The following FGGY variants were observed in gnomAD, a reference collection of about 807,000 sequenced individuals.
FGGY encodes the protein FGGY carbohydrate kinase domain containing, also known as FGGY carbohydrate kinase domain-containing protein.
FGGY carries 72 observed loss-of-function variants against 71.3 expected under a neutral mutation model. The observed-to-expected ratio is 1.01, with a 90% CI of 0.84 to 1.23. The LOEUF (loss-of-function observed/expected upper bound fraction) is 1.23. Among genes scored for constraint, FGGY ranks in the 50% most tolerant of loss-of-function variants. The probability of loss-of-function intolerance (pLI) is 0.00; values close to 1 mark genes in which losing one functional copy is unlikely to be tolerated. For synonymous variants in FGGY, 251 were observed against 250.3 expected (o/e 1.00, Z -0.02); for missense variants, 668 against 682.3 (o/e 0.98, Z 0.23).
chr1:59,732,286 A>G (rs778261141), intron 14 of FGGY, among the ~76,000 whole-genome samples: 1 of 152,196 alleles, frequency 6.6e-6, no homozygotes, highest in African/African-American at 2.4e-5. Flanking sequence ...TTGAGATCAC[A>G]GTGTATTTAG....
At chr1:59,335,249 G>A (rs577470410) in intron 2 of FGGY, among the ~76,000 whole-genome samples, 5 of 152,230 alleles carry the variant, frequency 3.3e-5, no homozygotes, top group Admixed American at 6.5e-5. Flanking sequence ...AGTCAGAGGC[G>A]CTTTCTGTCT....
At chr1:59,326,825 A>C (rs835373) in intron 2 of FGGY, among the ~76,000 whole-genome samples, 64,518 of 151,950 alleles carry the variant, frequency 0.42, 14,488 homozygotes, top group African/African-American at 0.57. Flanking sequence ...CAGTTCCAGA[A>C]CACCATAATG....
intron 7 of FGGY, among the ~76,000 whole-genome samples, chr1:59,524,955 A>G (rs1264270625): frequency 6.6e-6 from 1 of 152,238 alleles, no homozygotes; most frequent in African/African-American, 2.4e-5. Context: ...TGAGGAGAGA[A>G]GAGCTGTGGC....
chr1:59,397,505 G>A (rs2061463667), intron 5 of FGGY, among the ~76,000 whole-genome samples: 2 of 152,218 alleles, frequency 1.3e-5, no homozygotes, highest in African/African-American at 4.8e-5. Flanking sequence ...AGGAAAGAAA[G>A]CAGGTAAGCA....
Position 59,338,063 on chromosome 1 carries a change from AG to A in FGGY, c.202-1891del, listed in dbSNP as rs1354927327. 3.9e-5 allele frequency among the ~76,000 whole-genome samples: 6 copies of A among 152,192 alleles called. No homozygotes were observed. In the East Asian group the frequency reaches 1.2e-3, roughly 29 times the overall value. On this transcript the variant is annotated intron_variant, in intron 2 of 15. Coordinates refer to ENST00000303721, the MANE Select transcript of FGGY (RefSeq NM_018291.5). ...TTATTGAATGTTATATTTGGAGGGT[AG>A]GGGTTCTTTTTTCTGCATCTGTTGA...
At chr1:59,540,584 T>A (rs2095425084) in intron 7 of FGGY, among the ~76,000 whole-genome samples, 1 of 152,234 alleles carries the variant, frequency 6.6e-6, no homozygotes, top group Non-Finnish European at 1.5e-5. Flanking sequence ...ATGAGGTTTA[T>A]TTCTTGATCT....
intron 8 of FGGY, among the ~76,000 whole-genome samples, chr1:59,568,164 G>T (rs2095908967): frequency 6.6e-6 from 1 of 152,110 alleles, no homozygotes; most frequent in Non-Finnish European, 1.5e-5. Flanking sequence ...CACCAAACAG[G>T]TTAAGTCAGC....
chr1:59,448,287 G>T (rs1430311531), intron 5 of FGGY, among the ~76,000 whole-genome samples: 1 of 152,156 alleles, frequency 6.6e-6, no homozygotes, highest in Non-Finnish European at 1.5e-5. Context: ...AGTCAATCTG[G>T]CATCTTTAAT....
chr1:59,554,413 T>C (rs1267489291), intron 8 of FGGY, among the ~76,000 whole-genome samples, 186 bp downstream of exon 8: 2 of 152,184 alleles, frequency 1.3e-5, no homozygotes, highest in Admixed American at 1.3e-4. Flanking sequence ...GCTGGATCTT[T>C]TTCCAGGGGC....
chr1:59,442,933 A>G (rs1205285143), intron 5 of FGGY, among the ~76,000 whole-genome samples: 1 of 152,240 alleles, frequency 6.6e-6, no homozygotes, highest in Non-Finnish European at 1.5e-5. Context: ...TCTGCTAAAT[A>G]TTCTCAGGGG....
At chr1:59,306,997 T>C (rs2043535081) in intron 1 of FGGY, among the ~76,000 whole-genome samples, 1 of 151,728 alleles carries the variant, frequency 6.6e-6, no homozygotes, top group Admixed American at 6.6e-5. Context: ...AAGATGAAAA[T>C]TGAGAAGAAG....
intron 4 of FGGY, among the ~76,000 whole-genome samples, chr1:59,357,616 C>G (rs2153228756): frequency 6.6e-6 from 1 of 152,206 alleles, no homozygotes; most frequent in Non-Finnish European, 1.5e-5. Context: ...GTGTGTTATT[C>G]TGCTGTACCA....
chr1:59,324,574 C>G (rs1439092621), intron 2 of FGGY, among the ~76,000 whole-genome samples: 1 of 152,128 alleles, frequency 6.6e-6, no homozygotes, highest in African/African-American at 2.4e-5. Flanking sequence ...CCGCGCCCGG[C>G]CAATAACTAC....
At chr1:59,745,377 TG>T (rs1465238098) in intron 14 of FGGY, among the ~76,000 whole-genome samples, 1 of 152,214 alleles carries the variant, frequency 6.6e-6, no homozygotes, top group Non-Finnish European at 1.5e-5. Context: ...CCAGAGCAGT[TG>T]GCCTAGTGAC....
chr1:59,381,530 A>G (rs1055240039), intron 5 of FGGY, among the ~76,000 whole-genome samples: 5 of 152,008 alleles, frequency 3.3e-5, no homozygotes, highest in Admixed American at 6.6e-5. Flanking sequence ...AGATGTCACT[A>G]GGTGATAGGA....
intron 5 of FGGY, among the ~76,000 whole-genome samples, chr1:59,397,388 A>G (rs1370730303): frequency 6.6e-6 from 1 of 152,230 alleles, no homozygotes; most frequent in African/African-American, 2.4e-5. Flanking sequence ...GATAACAAAC[A>G]ACATAGTGAA....
intron 14 of FGGY, among the ~76,000 whole-genome samples, chr1:59,698,377 C>T (rs2154013728): frequency 6.6e-6 from 1 of 152,032 alleles, no homozygotes; most frequent in East Asian, 1.9e-4. Context: ...GCAGTTCCCA[C>T]CCCTTGGTCA....
intron 2 of FGGY, among the ~76,000 whole-genome samples, chr1:59,332,871 G>A (rs75986453): frequency 5.9e-4 from 90 of 152,298 alleles, no homozygotes; most frequent in African/African-American, 2.2e-3. Context: ...CAGAGAGCAA[G>A]CATGCTGTGC....
At chr1:59,421,808 A>C (rs1233345070) in intron 5 of FGGY, among the ~76,000 whole-genome samples, 1 of 145,590 alleles carries the variant, frequency 6.9e-6, no homozygotes, top group Non-Finnish European at 1.5e-5. Flanking sequence ...GTCTCATTTG[A>C]CTAGACTACC....
Sources: gnomAD v4.1 joint callset for allele counts (sites outside exome capture counted in the v4.1 genomes callset) on GRCh38, gnomAD v4.1.1 for gene constraint, MANE v1.5 for transcripts, NCBI Gene and HGNC (gene_info 2026-07-23, HGNC 2026-07-21) for gene names.